GPC5: variants seen among roughly 807,000 people sequenced by gnomAD.
GPC5 encodes the protein glypican 5.
Under a neutral mutation model 53.9 loss-of-function variants are expected in GPC5, and 47 were observed. That is an observed-to-expected ratio of 0.87 (90% CI 0.69 to 1.11). The LOEUF is 1.11. Among genes scored for constraint, GPC5 ranks in the 50% most tolerant of loss-of-function variants. GPC5 has a pLI of 0.00. For synonymous variants in GPC5, 286 were observed against 263.3 expected (o/e 1.09, Z -0.84); for missense variants, 748 against 713.1 (o/e 1.05, Z -0.56).
chr13:91,973,325 T>A (rs150768012), intron 6 of GPC5, among the ~76,000 whole-genome samples: 4,573 of 152,326 alleles, frequency 0.03, 90 homozygotes, highest in Middle Eastern at 0.061. Flanking sequence ...CATCAGCTCC[T>A]TTAAGGACTT....
intron 7 of GPC5, among the ~76,000 whole-genome samples, chr13:92,610,306 T>A (rs548636295): frequency 1.3e-5 from 2 of 152,292 alleles, no homozygotes; most frequent in East Asian, 3.9e-4. Flanking sequence ...ATTCATTGCT[T>A]CAGAACAATT....
chr13:91,443,675 T>A (rs1244133327), intron 1 of GPC5, among the ~76,000 whole-genome samples: 1 of 152,224 alleles, frequency 6.6e-6, no homozygotes, highest in Non-Finnish European at 1.5e-5. Context: ...AAATGATGCT[T>A]CAAGACCATA....
At chr13:91,903,043 T>A (rs577577161) in intron 5 of GPC5, among the ~76,000 whole-genome samples, 2 of 151,052 alleles carry the variant, frequency 1.3e-5, no homozygotes, top group South Asian at 4.2e-4. Context: ...TTTTTTTTTT[T>A]AACAAACTTA....
chr13:92,365,955 T>C (rs2139287800), intron 7 of GPC5, among the ~76,000 whole-genome samples: 1 of 151,784 alleles, frequency 6.6e-6, no homozygotes, highest in African/African-American at 2.4e-5. Context: ...GTATAACAAA[T>C]ATTTAAGCCA....
chr13:92,632,797 C>A (rs56044713), intron 7 of GPC5, among the ~76,000 whole-genome samples: 22,995 of 151,990 alleles, frequency 0.15, 4,365 homozygotes, highest in African/African-American at 0.44. Context: ...CCTTACAATC[C>A]TGGTGAAAGG....
At chr13:92,598,452 C>T (rs181219819) in intron 7 of GPC5, among the ~76,000 whole-genome samples, 4 of 151,876 alleles carry the variant, frequency 2.6e-5, no homozygotes, top group African/African-American at 9.7e-5. Context: ...TCCTTAAAAG[C>T]TTTTCAACTT....
intron 2 of GPC5, among the ~76,000 whole-genome samples, chr13:91,482,335 G>A (rs1245721424): frequency 1.3e-5 from 2 of 152,034 alleles, no homozygotes; most frequent in Admixed American, 1.3e-4. Context: ...AGCCCTTTCC[G>A]GGCACCAACC....
chr13:92,542,947 C>A (rs1881977246), intron 7 of GPC5, among the ~76,000 whole-genome samples: 1 of 151,852 alleles, frequency 6.6e-6, no homozygotes, highest in Admixed American at 6.6e-5. Flanking sequence ...CTATATTATG[C>A]CCCAGATAAG....
chr13:92,001,171 G>C (rs2040550814), intron 6 of GPC5, among the ~76,000 whole-genome samples: 1 of 152,344 alleles, frequency 6.6e-6, no homozygotes, highest in South Asian at 2.1e-4. Context: ...GAAGTTGTTA[G>C]TACTATTTTG....
intron 5 of GPC5, among the ~76,000 whole-genome samples, chr13:91,905,233 G>A (rs1211436856): frequency 3.9e-5 from 6 of 151,936 alleles, no homozygotes; most frequent in Non-Finnish European, 8.8e-5. Flanking sequence ...GATATTGGGA[G>A]CATAAGGAAT....
intron 2 of GPC5, among the ~76,000 whole-genome samples, chr13:91,586,471 G>A (rs1400259170): frequency 9.0e-6 from 1 of 111,352 alleles, no homozygotes; most frequent in African/African-American, 3.2e-5. Context: ...AATCATGGCA[G>A]AAGGGGAAGG....
At chr13:92,084,910 C>T (rs2041324470) in intron 6 of GPC5, among the ~76,000 whole-genome samples, 1 of 152,112 alleles carries the variant, frequency 6.6e-6, no homozygotes, top group Admixed American at 6.6e-5. Flanking sequence ...GAAATATATT[C>T]CTCACAGTTC....
intron 6 of GPC5, among the ~76,000 whole-genome samples, chr13:92,095,961 T>G (rs2041419027): frequency 6.6e-6 from 1 of 152,204 alleles, no homozygotes; most frequent in Non-Finnish European, 1.5e-5. Context: ...AAAATTAGAT[T>G]ACAGAGATAA....
intron 7 of GPC5, among the ~76,000 whole-genome samples, chr13:92,345,436 G>C (rs1421462005): frequency 1.3e-5 from 2 of 152,064 alleles, no homozygotes; most frequent in African/African-American, 2.4e-5. Context: ...CAAAATAGAA[G>C]AATAGGAAGT....
chr13:92,100,841 G>C (rs2041460674), intron 6 of GPC5, among the ~76,000 whole-genome samples: 1 of 152,158 alleles, frequency 6.6e-6, no homozygotes, highest in South Asian at 2.1e-4. Flanking sequence ...GGTCCATCAT[G>C]CCACTCAAGG....
chr13:91,398,782 C>A lies in GPC5; in HGVS notation c.-265C>A. The A allele has an allele frequency of 2.4e-6, 1 of 408,740 alleles. No homozygotes were observed. Among genetic ancestry groups the A allele is most frequent in the Non-Finnish European group, 4.3e-6 (1 of 231,022 alleles). 25.3% of individuals were successfully genotyped at this position (408,740 alleles called of 1,614,324 possible). A position where few individuals can be genotyped will look rare whatever the true frequency, so the allele number is the denominator to read the frequency against. Reference sequence around the variant, plus strand: ...GCGGCTCCACTAGTTTTCTTCGCCCCGCCCAGCCGCCCACTCTTCTCGGCT... The same window carrying A: ...GCGGCTCCACTAGTTTTCTTCGCCCAGCCCAGCCGCCCACTCTTCTCGGCT... On this transcript the variant is annotated 5_prime_UTR_variant, in exon 1 of 8. Transcript: ENST00000377067.
intron 1 of GPC5, among the ~76,000 whole-genome samples, chr13:91,436,447 C>T (rs1879967060): frequency 6.6e-6 from 1 of 152,086 alleles, no homozygotes; most frequent in Non-Finnish European, 1.5e-5. Flanking sequence ...ATTATGTACC[C>T]AGTAGTCATT....
chr13:91,703,426 T>C (rs751045380), intron 3 of GPC5, among the ~76,000 whole-genome samples: 8 of 152,160 alleles, frequency 5.3e-5, no homozygotes, highest in Non-Finnish European at 1.0e-4. Context: ...TGTGTGTTTA[T>C]TGAGATCATA....
intron 5 of GPC5, among the ~76,000 whole-genome samples, chr13:91,855,704 TAATTCTGAAGACATC>T (rs2038960009): frequency 6.6e-6 from 1 of 151,642 alleles, no homozygotes; most frequent in African/African-American, 2.4e-5. Flanking sequence ...CAAAATGCCT[TAATTCTGAAGACATC>T]AATTCTGCAG....
Sources: allele counts gnomAD v4.1 joint callset (sites outside exome capture counted in the v4.1 genomes callset), GRCh38; gene constraint gnomAD v4.1.1; transcripts MANE v1.5; gene names NCBI Gene and HGNC (gene_info 2026-07-23, HGNC 2026-07-21).